Variants in LNX2 observed in about 807,000 individuals in gnomAD.
LNX2 encodes ligand of numb-protein X 2.
In LNX2, 35 loss-of-function variants were observed where a neutral mutation model predicts 66.2. That is an observed-to-expected ratio of 0.53 (90% confidence interval 0.40 to 0.70). LNX2 has a LOEUF of 0.70. Ranked by LOEUF, LNX2 falls within the 30% of genes least tolerant of loss-of-function variation. LNX2 has a pLI of 0.00. For missense variants in LNX2, 791 were observed against 850.8 expected, an observed-to-expected ratio of 0.93 and a Z score of 0.87; for synonymous variants, 337 against 315.6, an observed-to-expected ratio of 1.07 and a Z score of -0.72.
intron 1 of LNX2, among the ~76,000 whole-genome samples, chr13:27,603,977 G>A (rs1016810661): frequency 4.7e-5 from 7 of 150,230 alleles, no homozygotes; most frequent in Non-Finnish European, 7.4e-5. Flanking sequence ...AAAAAAGGCC[G>A]GGCACGGTGG....
At chr13:27,577,646 A>G (rs1311299772) in intron 2 of LNX2, among the ~76,000 whole-genome samples, 1 of 152,154 alleles carries the variant, frequency 6.6e-6, no homozygotes, top group African/African-American at 2.4e-5. Flanking sequence ...ATGAACAAGA[A>G]AAGTTCTCAG....
chr13:27,582,378 AC>A (rs1309467515), intron 1 of LNX2, among the ~76,000 whole-genome samples: 1 of 152,160 alleles, frequency 6.6e-6, no homozygotes, highest in African/African-American at 2.4e-5. Flanking sequence ...AGGTAAAGAC[AC>A]CATAGATTAT....
chr13:27,583,262 GTC>G (rs1380438102), intron 1 of LNX2, among the ~76,000 whole-genome samples: 2 of 13,420 alleles, frequency 1.5e-4, no homozygotes, highest in African/African-American at 1.8e-3. Context: ...GTGTGCGCGC[GTC>G]CTCTCCAACA....
At chr13:27,584,366 T>C (rs1347748962) in intron 1 of LNX2, among the ~76,000 whole-genome samples, 2 of 144,048 alleles carry the variant, frequency 1.4e-5, no homozygotes, top group African/African-American at 5.2e-5. Flanking sequence ...GCCTGGGCAA[T>C]ATGGTAGGAC....
chr13:27,602,821 C>G (rs1955673463), intron 1 of LNX2, among the ~76,000 whole-genome samples: 1 of 152,112 alleles, frequency 6.6e-6, no homozygotes, highest in Non-Finnish European at 1.5e-5. Context: ...GCTCCATATT[C>G]TTTGTCAACA....
At chr13:27,611,576 A>G (rs1168728227) in intron 1 of LNX2, among the ~76,000 whole-genome samples, 1 of 152,216 alleles carries the variant, frequency 6.6e-6, no homozygotes, top group African/African-American at 2.4e-5. Flanking sequence ...ACGATAGTAA[A>G]TTTTATGTGG....
chr13:27,548,253 C>A lies in LNX2; in HGVS notation c.*82G>T. On this transcript the variant is annotated 3_prime_UTR_variant, in exon 10 of 10. Coordinates refer to ENST00000316334, the MANE Select transcript of LNX2 (RefSeq NM_153371.4). The stretch of plus-strand genomic sequence containing the variant: ...ACCAGCAGTGTCAGCAGCTCCTAAA[C>A]CACAAACACAATGAAACCAAAGGGT... 1 of 1,445,098 alleles carries A rather than the reference C, an allele frequency of 6.9e-7. No homozygotes were observed. The highest frequency in any genetic ancestry group is 1.3e-5 in the South Asian group (1 of 78,044). The allele number at this position is 1,445,098 out of a possible 1,614,324, so 89.5% of individuals were successfully genotyped here. A position where few individuals can be genotyped will look rare whatever the true frequency, so the allele number is the denominator to read the frequency against.
chr13:27,614,096 C>A (rs1264358741), intron 1 of LNX2, among the ~76,000 whole-genome samples: 1 of 152,218 alleles, frequency 6.6e-6, no homozygotes, highest in Non-Finnish European at 1.5e-5. Context: ...GGGCTTAAAC[C>A]AAGCTAATTT....
chr13:27,600,730 G>A (rs1346500673), intron 1 of LNX2, among the ~76,000 whole-genome samples: 2 of 152,172 alleles, frequency 1.3e-5, no homozygotes, highest in East Asian at 3.8e-4. Context: ...GGGGCACAGT[G>A]TCAGACCCCT....
intron 1 of LNX2, among the ~76,000 whole-genome samples, chr13:27,583,056 C>G (rs780010192): frequency 3.3e-5 from 5 of 151,792 alleles, no homozygotes; most frequent in Non-Finnish European, 7.4e-5. Flanking sequence ...TTTTATTCCA[C>G]TAAAAGAAAA....
At chr13:27,586,191 T>G (rs1055286405) in intron 1 of LNX2, among the ~76,000 whole-genome samples, 1 of 151,936 alleles carries the variant, frequency 6.6e-6, no homozygotes, top group Admixed American at 6.6e-5. Context: ...TGCTATCTAT[T>G]ATTAAAAATA....
intron 1 of LNX2, among the ~76,000 whole-genome samples, chr13:27,596,032 A>G (rs1955593184): frequency 2.0e-5 from 3 of 152,206 alleles, no homozygotes; most frequent in Non-Finnish European, 2.9e-5. Context: ...ACACGTATCT[A>G]TGGTGCTCAA....
At chr13:27,548,504 A>G in intron 9 of LNX2, 34 bp from the exon 10 acceptor site, 2 of 1,589,960 alleles carry the variant, frequency 1.3e-6, no homozygotes, top group Non-Finnish European at 1.7e-6. Context: ...GAATGTTACT[A>G]TTTTCATGGT....
At chr13:27,572,096 C>G (rs1955287919) in intron 2 of LNX2, among the ~76,000 whole-genome samples, 1 of 152,152 alleles carries the variant, frequency 6.6e-6, no homozygotes. Context: ...CTATGGTATT[C>G]TTTTTCTAGG....
chr13:27,581,546 C>T lies in LNX2; in HGVS notation c.158G>A (p.Cys53Tyr). 5 of 1,614,138 alleles carry T rather than the reference C, an allele frequency of 3.1e-6. No individual in the cohort carries two copies. The highest frequency in any genetic ancestry group is 4.2e-6 in the Non-Finnish European group (5 of 1,180,014). Residue 53 changes from cysteine to tyrosine, a missense_variant, in exon 2 of 10, where the codon TGC (cysteine) becomes TAC (tyrosine). By Grantham distance (194) the Cys-to-Tyr change is radical. Transcript: ENST00000316334. The part of the protein sequence containing the change: ...EVDDDLVCHI[C>Y]LQPLLQPLDT... ...TAGTGGCTGCAGCAGAGGTTGAAGG[C>T]AAATATGGCAGACTAGGTCATCATC...
intron 2 of LNX2, among the ~76,000 whole-genome samples, chr13:27,573,924 GAAA>G (rs58411252): frequency 5.3e-5 from 7 of 131,422 alleles, no homozygotes; most frequent in Non-Finnish European, 6.5e-5. Context: ...CCATTCACAG[GAAA>G]AAAAAAAAAA....
chr13:27,576,713 A>G (rs1955343621), intron 2 of LNX2, among the ~76,000 whole-genome samples: 1 of 151,718 alleles, frequency 6.6e-6, no homozygotes, highest in Admixed American at 6.6e-5. Context: ...TGACAGAGCG[A>G]GATGCTATCT....
rs780629112 is a variant in LNX2, at chr13:27,567,783, G to A, written c.712C>T (p.Arg238Trp). The change falls in exon 4 of 10, where the codon CGG becomes TGG. Residue 238 changes from arginine to tryptophan, a missense_variant. Arg to Trp is a moderately radical substitution (Grantham distance 101). Transcript: ENST00000316334. Reference protein sequence around the residue: ...EGEITTIEIHRSNPYIQLGIS... With the variant: ...EGEITTIEIHWSNPYIQLGIS... ...CCTAACTGAATGTAAGGATTGGACC[G>A]ATGAATTTCAATCGTGGTGATTTCT... 32 of 1,613,880 alleles carry A rather than the reference G, an allele frequency of 2.0e-5. No homozygotes were observed. Among genetic ancestry groups the A allele is most frequent in the African/African-American group, 5.3e-5 (4 of 74,902 alleles).
At chr13:27,589,571 C>CT (rs900268949) in intron 1 of LNX2, among the ~76,000 whole-genome samples, 21 of 152,046 alleles carry the variant, frequency 1.4e-4, no homozygotes, top group Admixed American at 2.6e-4. Context: ...TTTAAACCCC[C>CT]TTCACCTTTA....
Sources: allele counts gnomAD v4.1 joint callset (sites outside exome capture counted in the v4.1 genomes callset), GRCh38; gene constraint gnomAD v4.1.1; transcripts MANE v1.5; gene names NCBI Gene and HGNC (gene_info 2026-07-23, HGNC 2026-07-21).